Variants in ZNF318 observed in about 807,000 individuals in gnomAD.
ZNF318 encodes the protein zinc finger protein 318, also known as endocrine regulator.
ZNF318 carries 51 observed loss-of-function variants against 124.2 expected under a neutral mutation model. That is an observed-to-expected ratio of 0.41 (90% CI 0.33 to 0.52). The LOEUF (loss-of-function observed/expected upper bound fraction) is 0.52. ZNF318 is among the 20% of genes least tolerant of loss of function. The probability of loss-of-function intolerance (pLI) is 0.23; values close to 1 mark genes in which losing one functional copy is unlikely to be tolerated. For missense variants in ZNF318, 2,815 were observed against 2,811.2 expected, an observed-to-expected ratio of 1.00 and a Z score of -0.03; for synonymous variants, 1,090 against 1,040.7, an observed-to-expected ratio of 1.05 and a Z score of -0.91.
At position 43,355,782 on chromosome 6, in the gene ZNF318, T is replaced by A; in HGVS notation, c.1552A>T (p.Thr518Ser). 6.2e-7 allele frequency: 1 copy of A among 1,614,238 alleles called. No homozygotes were observed. Among genetic ancestry groups the A allele is most frequent in the Non-Finnish European group, 8.5e-7 (1 of 1,180,040 alleles). Residue 518 changes from threonine (T) to serine (S), a missense_variant, in exon 4 of 10, where the codon ACC becomes TCC. Transcript: ENST00000361428. ...SRILSMLADS[T>S]STQEKRRRSF... ...CGTCGCCTTTTTTCCTGTGTACTGGTAGAATCAGCCAACATGCTCAGAATG... is the reference window on the plus strand; with the variant it reads ...CGTCGCCTTTTTTCCTGTGTACTGGAAGAATCAGCCAACATGCTCAGAATG...
In ZNF318 at chr6:43,352,473, T is replaced by C. The variant is rs1212466484; in HGVS notation, c.2674A>G (p.Ile892Val). ...KNRASQKQKV[I>V]EEREKLKNDR... ...TTCTTTAGTTTTTCCCTCTCTTCAA[T>C]AACCTGCAAAATACAAAGTGGTAAG... Residue 892 changes from isoleucine to valine, a missense_variant, in exon 5 of 10, where the codon ATT becomes GTT. Ile to Val is a conservative substitution (Grantham distance 29). Coordinates refer to ENST00000361428, the MANE Select transcript of ZNF318 (RefSeq NM_014345.3). 4 of 1,613,808 alleles carry C rather than the reference T, an allele frequency of 2.5e-6. No individual in the cohort carries two copies. In the East Asian group the frequency reaches 8.9e-5, roughly 36 times the overall value.
Position 43,337,938 on chromosome 6 carries a change from C to A in ZNF318, c.6060G>T (p.Met2020Ile), listed in dbSNP as rs922357974. The A allele has an allele frequency of 5.0e-6, 8 of 1,614,082 alleles. No homozygotes were observed. Among genetic ancestry groups the A allele is most frequent in the Non-Finnish European group, 6.8e-6 (8 of 1,180,042 alleles). The change falls in exon 10 of 10, where the codon ATG (methionine) becomes ATT (isoleucine). Residue 2020 changes from methionine to isoleucine, a missense_variant. Met to Ile is a conservative substitution (Grantham distance 10, BLOSUM62 1). Transcript: ENST00000361428. Reference protein sequence around the residue: ...ELTALGNLGDMPVDFCTTRVS... With the variant: ...ELTALGNLGDIPVDFCTTRVS... Reference sequence around the variant, plus strand: ...CCCGAGTAGTGCAGAAATCAACAGGCATATCCCCCAGATTCCCCAGGGCAG... The same window carrying A: ...CCCGAGTAGTGCAGAAATCAACAGGAATATCCCCCAGATTCCCCAGGGCAG...
At chr6:43,344,064 T>C (rs1394812208) in intron 6 of ZNF318, among the ~76,000 whole-genome samples, 1 of 152,078 alleles carries the variant, frequency 6.6e-6, no homozygotes, top group Non-Finnish European at 1.5e-5. Flanking sequence ...TGGGGTTCTA[T>C]AGTACACAAG....
intron 6 of ZNF318, among the ~76,000 whole-genome samples, chr6:43,343,243 G>A (rs1406956597): frequency 6.6e-6 from 1 of 152,142 alleles, no homozygotes; most frequent in South Asian, 2.1e-4. Context: ...AGTAAATGTT[G>A]AATATGTTAC....
intron 1 of ZNF318, 39 bp downstream of exon 1, chr6:43,368,928 T>G: frequency 9.9e-6 from 13 of 1,316,532 alleles, no homozygotes; most frequent in South Asian, 1.8e-5. Context: ...GGGAGGGGAC[T>G]GGGGGATGGA....
intron 6 of ZNF318, among the ~76,000 whole-genome samples, chr6:43,343,514 A>G (rs1310648472): frequency 6.6e-6 from 1 of 152,178 alleles, no homozygotes; most frequent in African/African-American, 2.4e-5. Context: ...CTAACTGCCT[A>G]AAATATCACT....
Position 43,357,771 on chromosome 6 carries a change from G to GA in ZNF318, c.549-7dup, listed in dbSNP as rs758745558. On this transcript the variant is annotated splice_polypyrimidine_tract_variant and splice_region_variant and intron_variant, in intron 2 of 9. Transcript: ENST00000361428. ...AATCATCAGTCAGGTCATCCCTGAG[G>GA]AAAAAGAGAAGCATCATTGAACAAA... 6.3e-7 allele frequency: 1 copy of GA among 1,575,130 alleles called. No homozygotes were observed. Among genetic ancestry groups the GA allele is most frequent in the East Asian group, 2.2e-5 (1 of 44,668 alleles).
chr6:43,360,267 A>G (rs1779662903), intron 2 of ZNF318, among the ~76,000 whole-genome samples: 1 of 152,242 alleles, frequency 6.6e-6, no homozygotes, highest in African/African-American at 2.4e-5. Flanking sequence ...AAAAAGGCAT[A>G]AAAACAGTTT....
rs1779281358 is a variant in ZNF318 at position 43,336,469 on chromosome 6, G to A, written c.*689C>T. 1 of 152,204 alleles carries A rather than the reference G, an allele frequency of 6.6e-6. No homozygotes were observed. The highest frequency in any genetic ancestry group is 2.1e-4 in the South Asian group (1 of 4,830). 9.4% of individuals were successfully genotyped at this position (152,204 alleles called of 1,614,324 possible). The stretch of plus-strand genomic sequence containing the variant: ...TCGTCTTCTAAAAGTAAGCCTGCCA[G>A]ATATTCTTCCATGTTTATTTCCAAA... On this transcript the variant is annotated 3_prime_UTR_variant, in exon 10 of 10. Coordinates refer to ENST00000361428, the MANE Select transcript of ZNF318 (RefSeq NM_014345.3).
chr6:43,342,882 AG>A lies in ZNF318; in HGVS notation c.3073-4del. On this transcript the variant is annotated splice_polypyrimidine_tract_variant and splice_region_variant and intron_variant, in intron 6 of 9. Transcript: ENST00000361428. ...TTCTCATTGTTTACTTTTGATTCCT[AG>A]AGGGGAAAAATCTGTACTTACAAGG... 1 of 1,607,006 alleles carries A rather than the reference AG, an allele frequency of 6.2e-7. No individual in the cohort carries two copies.
chr6:43,348,339 G>A lies in ZNF318; in HGVS notation c.3057C>T (p.Asn1019=), dbSNP rs761874236. Residue 1019 remains asparagine (N), a synonymous_variant, in exon 6 of 10, where the codon AAC becomes AAT. Transcript: ENST00000361428. The stretch of plus-strand genomic sequence containing the variant: ...GAGTTGTTACCTTGTTGGAGGAGGA[G>A]TTTGAGAACGATGACACTTTTTCTG... ...KSPEKVSSFS[N]SSSNKESKVN... The A allele has an allele frequency of 2.5e-6, 4 of 1,608,892 alleles. No individual in the cohort carries two copies. The highest frequency in any genetic ancestry group is 2.5e-6 in the Non-Finnish European group (3 of 1,178,042).
chr6:43,368,698 T>G (rs1034764261), intron 1 of ZNF318: 1 of 985,276 alleles, frequency 1.0e-6, no homozygotes, highest in Non-Finnish European at 1.2e-6. Flanking sequence ...TGGCAAACTT[T>G]CCACACCTCA....
Position 43,348,542 on chromosome 6 carries a change from T to C in ZNF318, c.2854A>G (p.Ile952Val), listed in dbSNP as rs1779480691. 2 of 1,614,220 alleles carry C rather than the reference T, an allele frequency of 1.2e-6. No individual in the cohort carries two copies. The highest frequency in any genetic ancestry group is 1.7e-6 in the Non-Finnish European group (2 of 1,180,042). ...CGTAGCTCTGCAATGTCCTTCATAA[T>C]GTTATCCTGAAGCCGACTCACCTCC... ...LVEVSRLQDN[I>V]MKDIAELRQE... Residue 952 changes from isoleucine to valine, a missense_variant, in exon 6 of 10, where the codon ATT (isoleucine) becomes GTT (valine). This residue lies in a region of ZNF318 where 1,377 missense variants were observed against 1,353.5 expected (regional missense o/e 1.02). Coordinates refer to ENST00000361428, the MANE Select transcript of ZNF318 (RefSeq NM_014345.3).
rs537284141 is a variant in ZNF318 at position 43,369,440 on chromosome 6, G to C, written c.-75C>G. The C allele has an allele frequency of 2.4e-5, 27 of 1,107,362 alleles. No homozygotes were observed. The South Asian group carries it at 8.7e-4, about 36-fold the overall frequency. The allele number at this position is 1,107,362 out of a possible 1,614,324, so 68.6% of individuals were successfully genotyped here. The stretch of plus-strand genomic sequence containing the variant: ...AGACGCAGGCTCGGAGCGCGCCGCC[G>C]CAGCTGCAGCCGCCGCCACCTCGGC... On this transcript the variant is annotated 5_prime_UTR_variant, in exon 1 of 10. Coordinates refer to ENST00000361428, the MANE Select transcript of ZNF318 (RefSeq NM_014345.3).
At chr6:43,349,960 G>C (rs1395297649) in intron 5 of ZNF318, among the ~76,000 whole-genome samples, 1 of 150,544 alleles carries the variant, frequency 6.6e-6, no homozygotes, top group African/African-American at 2.4e-5. Context: ...TAAAAAAAAA[G>C]AAAAAAAGGC....
intron 2 of ZNF318, among the ~76,000 whole-genome samples, 180 bp from the exon 3 acceptor site, chr6:43,357,945 A>G (rs144133033): frequency 6.6e-6 from 1 of 152,324 alleles, no homozygotes; most frequent in Non-Finnish European, 1.5e-5. Flanking sequence ...TTTAGCCTCT[A>G]ACCAAGAGGT....
chr6:43,344,755 T>TGGAAC (rs1779414873), intron 6 of ZNF318, among the ~76,000 whole-genome samples: 1 of 152,194 alleles, frequency 6.6e-6, no homozygotes, highest in Non-Finnish European at 1.5e-5. Flanking sequence ...TTCCTGACAC[T>TGGAAC]TTATTGGTGA....
Position 43,355,196 on chromosome 6 carries a change from A to G in ZNF318, c.2138T>C (p.Leu713Pro), listed in dbSNP as rs1779586494. The G allele has an allele frequency of 2.5e-6, 4 of 1,614,234 alleles. No individual in the cohort carries two copies. Among genetic ancestry groups the G allele is most frequent in the Non-Finnish European group, 2.5e-6 (3 of 1,180,044 alleles). Residue 713 changes from leucine (L) to proline (P), a missense_variant, in exon 4 of 10, where the codon CTA becomes CCA. Physicochemically the swap from Leu to Pro is moderately conservative, Grantham distance 98. This residue lies in a region of ZNF318 where 1,377 missense variants were observed against 1,353.5 expected (regional missense o/e 1.02). Coordinates refer to ENST00000361428, the MANE Select transcript of ZNF318 (RefSeq NM_014345.3). ...YLLTKNSPPFLKSDHPVGHIS... is the reference protein window; with the variant it reads ...YLLTKNSPPFPKSDHPVGHIS... ...ATGACCCACTGGATGGTCAGACTTT[A>G]GGAATGGAGGGCTGTTTTTTGTGAG...
intron 5 of ZNF318, among the ~76,000 whole-genome samples, chr6:43,350,237 G>A (rs192508469): frequency 8.8e-4 from 134 of 152,134 alleles, no homozygotes; most frequent in East Asian, 4.1e-3. Context: ...GCAACAGAGC[G>A]AGGCTCCATC....
Sources: gnomAD v4.1 joint callset for allele counts (sites outside exome capture counted in the v4.1 genomes callset) on GRCh38, gnomAD v4.1.1 for gene constraint, gnomAD v4.1.1 regional missense constraint, MANE v1.5 for transcripts, NCBI Gene and HGNC (gene_info 2026-07-23, HGNC 2026-07-21) for gene names.